The following PRR16 variants were observed in gnomAD, a reference collection of about 807,000 sequenced individuals.
The protein encoded by PRR16 is proline rich 16.
A neutral mutation model predicts 18.2 loss-of-function variants in PRR16; 6 were observed. The ratio of observed to expected loss-of-function variants is 0.33; its 90% CI spans 0.18 to 0.65. The LOEUF (loss-of-function observed/expected upper bound fraction) is 0.65, where lower values mean the gene tolerates loss of function less well. Ranked by LOEUF, PRR16 falls within the 30% of genes least tolerant of loss-of-function variation. PRR16 has a pLI of 0.74. For synonymous variants in PRR16, 151 were observed against 147.8 expected (o/e 1.02, Z -0.16); for missense variants, 412 against 376.6 (o/e 1.09, Z -0.78).
chr5:120,475,945 G>T (rs1313045696), intron 1 of PRR16, among the ~76,000 whole-genome samples: 1 of 152,098 alleles, frequency 6.6e-6, no homozygotes, highest in Non-Finnish European at 1.5e-5. Context: ...AAAAGTACAT[G>T]ATGCAACAAG....
the PRR16 span, among the ~76,000 whole-genome samples, chr5:120,713,723 A>T: frequency 6.6e-6 from 1 of 152,162 alleles, no homozygotes; most frequent in East Asian, 1.9e-4. Flanking sequence ...TGTTTGTTTC[A>T]TAGTACATCT....
At chr5:120,504,230 C>T (rs371919669) in intron 1 of PRR16, among the ~76,000 whole-genome samples, 1 of 152,162 alleles carries the variant, frequency 6.6e-6, no homozygotes, top group Non-Finnish European at 1.5e-5. Flanking sequence ...TCCCTCTGCC[C>T]TGACCTTGGT....
chr5:120,579,279 G>C (rs1210448246), intron 1 of PRR16, among the ~76,000 whole-genome samples: 9 of 151,994 alleles, frequency 5.9e-5, no homozygotes. Flanking sequence ...GTCAATTTTG[G>C]CTTTTGCTGC....
intron 1 of PRR16, among the ~76,000 whole-genome samples, chr5:120,585,144 A>G (rs1183919255): frequency 6.6e-6 from 1 of 152,252 alleles, no homozygotes; most frequent in African/African-American, 2.4e-5. Flanking sequence ...TAAGACAGAT[A>G]TGTCAATTCC....
At chr5:120,491,335 A>T (rs1750031429) in intron 1 of PRR16, among the ~76,000 whole-genome samples, 1 of 152,170 alleles carries the variant, frequency 6.6e-6, no homozygotes, top group South Asian at 2.1e-4. Flanking sequence ...GTGCATTATA[A>T]ATACTATTTA....
At chr5:120,715,259 C>T in the PRR16 span, among the ~76,000 whole-genome samples, 1 of 152,074 alleles carries the variant, frequency 6.6e-6, no homozygotes, top group Non-Finnish European at 1.5e-5. Context: ...AAATTTTGAA[C>T]TCTGAATGCT....
chr5:120,648,850 G>C (rs551233254), intron 1 of PRR16, among the ~76,000 whole-genome samples: 47 of 152,052 alleles, frequency 3.1e-4, no homozygotes, highest in Non-Finnish European at 6.6e-4. Context: ...CTACAAACTT[G>C]ATGTCACTGA....
intron 1 of PRR16, among the ~76,000 whole-genome samples, chr5:120,505,845 T>C (rs1039370081): frequency 2.0e-5 from 3 of 151,922 alleles, no homozygotes; most frequent in African/African-American, 7.2e-5. Flanking sequence ...AAAGTATGTA[T>C]ATATGTATGT....
At chr5:120,762,579 A>G in the PRR16 span, among the ~76,000 whole-genome samples, 4 of 152,120 alleles carry the variant, frequency 2.6e-5, no homozygotes, top group Non-Finnish European at 5.9e-5. Context: ...GGCCATTTGT[A>G]TGTCTCCTTT....
At chr5:120,501,044 A>C (rs1750435720) in intron 1 of PRR16, among the ~76,000 whole-genome samples, 1 of 152,150 alleles carries the variant, frequency 6.6e-6, no homozygotes, top group Admixed American at 6.5e-5. Flanking sequence ...TGATAGATTA[A>C]GTATTTTCTC....
chr5:120,532,368 T>G (rs1008089577), intron 1 of PRR16, among the ~76,000 whole-genome samples: 2 of 152,124 alleles, frequency 1.3e-5, no homozygotes, highest in African/African-American at 4.8e-5. Flanking sequence ...TCTTTAAAAT[T>G]ATTTAAGTTT....
the PRR16 span, among the ~76,000 whole-genome samples, chr5:120,763,653 G>A: frequency 6.6e-5 from 10 of 151,982 alleles, no homozygotes; most frequent in African/African-American, 1.4e-4. Context: ...TAGTATGGTC[G>A]TTTTAACAAT....
chr5:120,740,936 CT>C, the PRR16 span, among the ~76,000 whole-genome samples: 1 of 151,904 alleles, frequency 6.6e-6, no homozygotes, highest in Admixed American at 6.6e-5. Context: ...AATCATAGAT[CT>C]TTTTAACAAA....
intron 1 of PRR16, among the ~76,000 whole-genome samples, chr5:120,656,296 C>A (rs1055881539): frequency 2.6e-5 from 4 of 151,672 alleles, no homozygotes; most frequent in African/African-American, 4.8e-5. Context: ...CTTATAATAT[C>A]TTTGCCTATC....
the PRR16 span, among the ~76,000 whole-genome samples, chr5:120,733,336 G>T: frequency 6.6e-6 from 1 of 151,944 alleles, no homozygotes; most frequent in Non-Finnish European, 1.5e-5. Context: ...TTTTTAAAGA[G>T]ATGGGGTCTC....
chr5:120,651,936 C>T (rs939582496), intron 1 of PRR16, among the ~76,000 whole-genome samples: 1 of 151,896 alleles, frequency 6.6e-6, no homozygotes, highest in Non-Finnish European at 1.5e-5. Context: ...GCCATTTTCA[C>T]GATATTGATT....
At chr5:120,464,278 G>C, upstream of PRR16, 2 of 359,908 alleles carry the variant, frequency 5.6e-6, no homozygotes, top group East Asian at 4.8e-5. Context: ...CTGCAGCCCC[G>C]AGCCGAGCGC....
intron 1 of PRR16, among the ~76,000 whole-genome samples, chr5:120,482,809 T>C (rs1749663174): frequency 6.6e-6 from 1 of 152,198 alleles, no homozygotes; most frequent in South Asian, 2.1e-4. Flanking sequence ...GTGCTGATCA[T>C]GTAGCAACAT....
chr5:120,464,286 C>G (rs909911328), upstream of PRR16: 3 of 380,810 alleles, frequency 7.9e-6, no homozygotes, highest in African/African-American at 4.2e-5. Context: ...CCGAGCCGAG[C>G]GCCGCGTCTC....
Sources: allele counts gnomAD v4.1 joint callset (sites outside exome capture counted in the v4.1 genomes callset), GRCh38; gene constraint gnomAD v4.1.1; transcripts MANE v1.5; gene names NCBI Gene and HGNC (gene_info 2026-07-23, HGNC 2026-07-21).